FSD1L: variants seen among roughly 807,000 people sequenced by gnomAD.
FSD1L encodes the protein FSD1-like protein.
FSD1L carries 45 observed loss-of-function variants against 71.6 expected under a neutral mutation model. That is an observed-to-expected ratio of 0.63 (90% CI 0.49 to 0.81). FSD1L has a LOEUF of 0.81. Ranked by LOEUF, FSD1L falls within the 30% of genes least tolerant of loss-of-function variation. The pLI is 0.00. For synonymous variants in FSD1L, 197 were observed against 207.2 expected, an observed-to-expected ratio of 0.95 and a Z score of 0.42; for missense variants, 561 against 618.1, an observed-to-expected ratio of 0.91 and a Z score of 0.98.
In FSD1L at chr9:105,548,099, T is replaced by C. The variant is rs1837109044; in HGVS notation, c.*1616T>C. The C allele has an allele frequency of 6.6e-6, 1 of 152,124 alleles. No homozygotes were observed. The highest frequency in any genetic ancestry group is 2.4e-5 in the African/African-American group (1 of 41,434). The allele number at this position is 152,124 out of a possible 1,614,324, so 9.4% of individuals were successfully genotyped here. Reference sequence around the variant, plus strand: ...ATTGTTTTTCTAGAGGACATTCATATCTGCACTATTATCTGATGACATGTT... The same window carrying C: ...ATTGTTTTTCTAGAGGACATTCATACCTGCACTATTATCTGATGACATGTT... On this transcript the variant is annotated 3_prime_UTR_variant, in exon 14 of 14. Coordinates refer to ENST00000481272, the MANE Select transcript of FSD1L (RefSeq NM_001145313.3).
chr9:105,524,566 A>C, intron 10 of FSD1L: 8 of 1,614,014 alleles, frequency 5.0e-6, no homozygotes, highest in Non-Finnish European at 6.8e-6. Flanking sequence ...GGGTGTGTTT[A>C]TGGAGCTCAG....
chr9:105,468,190 C>T lies in FSD1L; in HGVS notation c.208-3C>T, dbSNP rs1337460407. On this transcript the variant is annotated splice_region_variant and splice_polypyrimidine_tract_variant and intron_variant, in intron 3 of 13. Coordinates refer to ENST00000481272, the MANE Select transcript of FSD1L (RefSeq NM_001145313.3). ...AAATTGTTTTGTTTTGTTTTTTAAA[C>T]AGGAAAATTCGTCCAACATACTCTC... 2 of 1,384,216 alleles carry T rather than the reference C, an allele frequency of 1.4e-6. No homozygotes were observed. Among genetic ancestry groups the T allele is most frequent in the Non-Finnish European group, 1.9e-6 (2 of 1,067,268 alleles). 85.7% of individuals were successfully genotyped at this position (1,384,216 alleles called of 1,614,324 possible).
chr9:105,452,464 A>G (rs1363030925), intron 1 of FSD1L, among the ~76,000 whole-genome samples: 5 of 152,190 alleles, frequency 3.3e-5, no homozygotes, highest in African/African-American at 1.2e-4. Flanking sequence ...ATTCAAGTCA[A>G]GTTTTTCTTT....
At chr9:105,491,253 A>T (rs1396829981) in intron 7 of FSD1L, among the ~76,000 whole-genome samples, 1 of 151,190 alleles carries the variant, frequency 6.6e-6, no homozygotes, top group Non-Finnish European at 1.5e-5. Context: ...TAGGTATTTT[A>T]TTCTCTTTGA....
intron 8 of FSD1L, among the ~76,000 whole-genome samples, chr9:105,506,848 T>G (rs2131358927): frequency 6.6e-6 from 1 of 151,924 alleles, no homozygotes; most frequent in Middle Eastern, 3.4e-3. Context: ...CTTGGCCCAC[T>G]GCAACCTCCG....
At chr9:105,524,133 C>T (rs1408920335) in intron 10 of FSD1L, 27 of 1,612,178 alleles carry the variant, frequency 1.7e-5, no homozygotes, top group Non-Finnish European at 2.2e-5. Flanking sequence ...ATGTGTAGCA[C>T]TTTGTAGTTT....
chr9:105,541,150 A>G (rs1836585116), intron 13 of FSD1L, among the ~76,000 whole-genome samples: 2 of 152,164 alleles, frequency 1.3e-5, no homozygotes, highest in Admixed American at 1.3e-4. Context: ...TATTTATTCC[A>G]GATACTTTAA....
Position 105,479,346 on chromosome 9 carries a change from G to A in FSD1L, c.442-8G>A, listed in dbSNP as rs1162635307. The A allele has an allele frequency of 1.3e-6, 2 of 1,550,236 alleles. No individual in the cohort carries two copies. Among genetic ancestry groups the A allele is most frequent in the Middle Eastern group, 1.7e-4 (1 of 5,984 alleles). On this transcript the variant is annotated splice_polypyrimidine_tract_variant and splice_region_variant and intron_variant, in intron 5 of 13. Transcript: ENST00000481272. ...GCCTTCTTTCTCTTCTCCCTGATTG[G>A]CTCCAAGGCTGCCAGACAGATCAAG...
chr9:105,497,006 T>G (rs1833455642), intron 7 of FSD1L, among the ~76,000 whole-genome samples: 1 of 152,202 alleles, frequency 6.6e-6, no homozygotes, highest in Admixed American at 6.5e-5. Context: ...ATTTTTTTTG[T>G]AGCTATTTCT....
chr9:105,446,220 T>A (rs889924588), upstream of FSD1L, among the ~76,000 whole-genome samples: 1 of 152,242 alleles, frequency 6.6e-6, no homozygotes, highest in African/African-American at 2.4e-5. Context: ...GGCCTTTGTA[T>A]TTGTTGTTCC....
upstream of FSD1L, chr9:105,447,960 C>T: frequency 5.6e-6 from 3 of 535,940 alleles, no homozygotes; most frequent in Non-Finnish European, 9.8e-6. Flanking sequence ...CCCTCCACGG[C>T]TACTTCCCGG....
chr9:105,447,200 T>C (rs1483311884), upstream of FSD1L, among the ~76,000 whole-genome samples: 1 of 151,522 alleles, frequency 6.6e-6, no homozygotes, highest in Non-Finnish European at 1.5e-5. Context: ...TGGGGGCGCC[T>C]GTAATCCCAG....
chr9:105,531,160 A>C (rs1387315075), intron 10 of FSD1L, among the ~76,000 whole-genome samples: 1 of 152,192 alleles, frequency 6.6e-6, no homozygotes, highest in African/African-American at 2.4e-5. Context: ...TCTTAATTTA[A>C]AAACCAGACA....
chr9:105,462,521 T>C (rs1213920767), intron 2 of FSD1L, among the ~76,000 whole-genome samples: 1 of 83,102 alleles, frequency 1.2e-5, no homozygotes, highest in South Asian at 4.2e-4. Context: ...GTGACTGACA[T>C]TTTTTTTTTT....
chr9:105,467,073 C>A, intron 3 of FSD1L, among the ~76,000 whole-genome samples: 1 of 152,080 alleles, frequency 6.6e-6, no homozygotes, highest in East Asian at 1.9e-4. Context: ...ATTTAAGTGC[C>A]TTGTATAAGG....
rs537867716 is a variant in FSD1L at position 105,541,884 on chromosome 9, G to A, written c.1467+2533G>A. Among the ~76,000 whole-genome samples the A allele has an allele frequency of 2.6e-5, 4 of 152,262 alleles. 1 individual carries two copies. The highest frequency in any genetic ancestry group is 9.6e-5 in the African/African-American group (4 of 41,556). On this transcript the variant is annotated intron_variant, in intron 13 of 13. Coordinates refer to ENST00000481272, the MANE Select transcript of FSD1L (RefSeq NM_001145313.3). ...GAACATCGTATAAATAGAATTGTATGGTATGTAGCCTTTCGATTCCGTACC... is the reference window on the plus strand; with the variant it reads ...GAACATCGTATAAATAGAATTGTATAGTATGTAGCCTTTCGATTCCGTACC...
intron 10 of FSD1L, chr9:105,522,731 T>A: frequency 2.5e-6 from 4 of 1,604,420 alleles, no homozygotes; most frequent in Non-Finnish European, 2.6e-6. Context: ...CTCTTAATAG[T>A]GATATTGGCA....
intron 1 of FSD1L, among the ~76,000 whole-genome samples, chr9:105,452,669 G>GCCTGCCTGCCTGCCTGCCTGCCTT (rs1191519308): frequency 3.1e-5 from 3 of 96,170 alleles, no homozygotes; most frequent in African/African-American, 8.5e-5. Flanking sequence ...CTGCCTGCCT[G>GCCTGCCTGCCTGCCTGCCTGCCTT]CCTTCCTTCC....
intron 13 of FSD1L, among the ~76,000 whole-genome samples, chr9:105,541,133 T>C (rs573698560): frequency 1.3e-5 from 2 of 152,248 alleles, no homozygotes; most frequent in East Asian, 3.9e-4. Flanking sequence ...TCATTATCCA[T>C]AGTAATTATT....
Sources: gnomAD v4.1 joint callset for allele counts (sites outside exome capture counted in the v4.1 genomes callset) on GRCh38, gnomAD v4.1.1 for gene constraint, MANE v1.5 for transcripts, NCBI Gene and HGNC (gene_info 2026-07-23, HGNC 2026-07-21) for gene names.